Variants in CPNE9 observed in about 807,000 individuals in gnomAD.
CPNE9 encodes copine-9.
Under a neutral mutation model 83.0 loss-of-function variants are expected in CPNE9, and 59 were observed. The observed-to-expected ratio is 0.71, with a 90% confidence interval of 0.58 to 0.88. The LOEUF (loss-of-function observed/expected upper bound fraction) is 0.88, where lower values mean the gene tolerates loss of function less well. CPNE9 is among the 40% of genes least tolerant of loss of function. CPNE9 has a pLI of 0.00. For missense variants in CPNE9, 619 were observed against 720.8 expected (o/e 0.86, Z 1.62); for synonymous variants, 256 against 273.4 (o/e 0.94, Z 0.63).
At chr3:9,724,738 A>G (rs142316167) in intron 17 of CPNE9, among the ~76,000 whole-genome samples, 213 of 150,256 alleles carry the variant, frequency 1.4e-3, no homozygotes, top group Middle Eastern at 7.2e-3. Context: ...CTATCTATCT[A>G]TCTATCTATC....
Position 9,704,850 on chromosome 3 carries a change from C to G in CPNE9, c.157-41C>G. On this transcript the variant is annotated intron_variant, in intron 3 of 20. Transcript: ENST00000383832. This position sits in a 1 kb window ranked among gnomAD's most constrained non-coding sequence, Gnocchi z 7.1. ...GGCGTCGCCCGGGAATTCCCCTGCC[C>G]GTCTGCACGTCCCACGCTGACCCTC... The G allele has an allele frequency of 6.2e-7, 1 of 1,602,290 alleles. No homozygotes were observed. Among genetic ancestry groups the G allele is most frequent in the Non-Finnish European group, 8.5e-7 (1 of 1,172,270 alleles).
chr3:9,729,843 C>A lies in CPNE9; in HGVS notation c.*151C>A. The A allele has an allele frequency of 1.8e-6, 2 of 1,142,040 alleles. No homozygotes were observed. Among genetic ancestry groups the A allele is most frequent in the South Asian group, 1.8e-5 (1 of 56,814 alleles). 70.7% of individuals were successfully genotyped at this position (1,142,040 alleles called of 1,614,324 possible). A position where few individuals can be genotyped will look rare whatever the true frequency, so the allele number is the denominator to read the frequency against. ...GACAAGCCCTCCGCCTCCTTGCCTG[C>A]AGAGGGCCTGGCACTATCACCACCT... On this transcript the variant is annotated 3_prime_UTR_variant, in exon 21 of 21. Transcript: ENST00000383832.
chr3:9,726,264 C>A (rs1250107148), intron 18 of CPNE9, among the ~76,000 whole-genome samples: 1 of 152,132 alleles, frequency 6.6e-6, no homozygotes, highest in Non-Finnish European at 1.5e-5. Context: ...CTCTAAGTCC[C>A]AGTTCCCACT....
intron 17 of CPNE9, among the ~76,000 whole-genome samples, chr3:9,722,167 C>CA (rs1553691427): frequency 5.3e-5 from 8 of 151,566 alleles, no homozygotes; most frequent in African/African-American, 1.7e-4. Context: ...TCCACCCCCC[C>CA]CCGCCACCCG....
At position 9,720,010 on chromosome 3, in the gene CPNE9, C is replaced by CAT. The variant is rs1308919043; in HGVS notation, c.1241+1421_1241+1422dup. Among the ~76,000 whole-genome samples the CAT allele has an allele frequency of 5.8e-3, 850 of 147,520 alleles. 5 individuals are homozygous for CAT. The highest frequency in any genetic ancestry group is 0.013 in the African/African-American group (531 of 40,364). On this transcript the variant is annotated intron_variant, in intron 17 of 20. Coordinates refer to ENST00000383832, the MANE Select transcript of CPNE9 (RefSeq NM_153635.3). ...TGTCTCAAAAAAATATATATATATA[C>CAT]ATATATATATATATGCACACACACA...
chr3:9,729,089 G>C (rs753585909), intron 20 of CPNE9, among the ~76,000 whole-genome samples: 14 of 152,066 alleles, frequency 9.2e-5, no homozygotes, highest in Non-Finnish European at 1.8e-4. Flanking sequence ...GTGGTGGGAG[G>C]GGGGAGCTTC....
At position 9,717,567 on chromosome 3, in the gene CPNE9, A is replaced by G. The variant is rs550284558; in HGVS notation, c.932-462A>G. 3.3e-5 allele frequency among the ~76,000 whole-genome samples: 5 copies of G among 152,354 alleles called. No homozygotes were observed. In the South Asian group the frequency reaches 1.0e-3, roughly 32 times the overall value. ...TGGATAGATCCATATGAGAATAGAC[A>G]AGGGAATGAATGGAATGGAGAGGGC... On this transcript the variant is annotated intron_variant, in intron 15 of 20. Coordinates refer to ENST00000383832, the MANE Select transcript of CPNE9 (RefSeq NM_153635.3).
At chr3:9,727,366 G>C in intron 20 of CPNE9, 180 bp downstream of exon 20, 1 of 777,238 alleles carries the variant, frequency 1.3e-6, no homozygotes, top group Non-Finnish European at 2.3e-6. Context: ...TGCAGCCTTG[G>C]CACATCCGTG....
intron 14 of CPNE9, 68 bp downstream of exon 14, chr3:9,716,103 T>G (rs768026977): frequency 5.6e-5 from 79 of 1,418,368 alleles, no homozygotes; most frequent in Non-Finnish European, 7.6e-5. Flanking sequence ...GAGCCCCAGG[T>G]TTCTTATTTA....
At chr3:9,711,452 G>A (rs1212952958) in intron 7 of CPNE9, among the ~76,000 whole-genome samples, 1 of 152,038 alleles carries the variant, frequency 6.6e-6, no homozygotes, top group African/African-American at 2.4e-5. Context: ...CCCGACCTCA[G>A]GTGATCCGCC....
intron 7 of CPNE9, among the ~76,000 whole-genome samples, chr3:9,711,678 G>A (rs190196814): frequency 2.6e-5 from 4 of 152,152 alleles, no homozygotes; most frequent in Non-Finnish European, 4.4e-5. Context: ...TCCTGACCTA[G>A]TTTTCTCTCT....
chr3:9,729,763 C>T lies in CPNE9; in HGVS notation c.*71C>T, dbSNP rs1458273695. 6.6e-7 allele frequency: 1 copy of T among 1,509,692 alleles called. No homozygotes were observed. The highest frequency in any genetic ancestry group is 1.4e-5 in the African/African-American group (1 of 72,808). 93.5% of individuals were successfully genotyped at this position (1,509,692 alleles called of 1,614,324 possible). ...CACTGCTTCTGCTTTAAGCCAGAGG[C>T]ACCTGGAACCCTGGACTTCACTGGG... On this transcript the variant is annotated 3_prime_UTR_variant, in exon 21 of 21. Transcript: ENST00000383832.
intron 4 of CPNE9, among the ~76,000 whole-genome samples, 186 bp from the exon 5 acceptor site, chr3:9,705,278 G>A (rs2076550526): frequency 6.6e-6 from 1 of 151,702 alleles, no homozygotes; most frequent in African/African-American, 2.4e-5. Flanking sequence ...CTTGGCCTCG[G>A]CCCAGGCTTG....
chr3:9,728,449 C>G (rs971332986), intron 20 of CPNE9, among the ~76,000 whole-genome samples: 4 of 151,952 alleles, frequency 2.6e-5, no homozygotes, highest in African/African-American at 9.7e-5. Context: ...CATGGAGAAA[C>G]CCCGTCTCTA....
chr3:9,717,221 C>A, intron 15 of CPNE9, 117 bp downstream of exon 15: 1 of 1,081,088 alleles, frequency 9.2e-7, no homozygotes, highest in Non-Finnish European at 1.4e-6. Context: ...GAAGCCCAAA[C>A]TTAGGCAAAA....
In CPNE9 at chr3:9,720,137, CAAACATATGTCAATA is replaced by C. The variant is rs1354985944; in HGVS notation, c.1241+1538_1241+1552del. Among the ~76,000 whole-genome samples, 9 of 151,602 alleles carry C rather than the reference CAAACATATGTCAATA, an allele frequency of 5.9e-5. No homozygotes were observed. In the East Asian group the frequency reaches 1.7e-3, roughly 29 times the overall value. On this transcript the variant is annotated intron_variant, in intron 17 of 20. Coordinates refer to ENST00000383832, the MANE Select transcript of CPNE9 (RefSeq NM_153635.3). ...ATTTATGAAATGACAGAACTAAAATCAAACATATGTCAATAAACATAAATAAGCTCTGTTTGACCT... is the reference window on the plus strand; with the variant it reads ...ATTTATGAAATGACAGAACTAAAATCAACATAAATAAGCTCTGTTTGACCT...
At position 9,704,436 on chromosome 3, in the gene CPNE9, T is replaced by G; in HGVS notation, c.69-151T>G. Reference sequence around the variant, plus strand: ...CAGCGATTTCCGGTGCTGTCCAGAGTGCTGACAGAGCGGACCCCGGCTGGG... The same window carrying G: ...CAGCGATTTCCGGTGCTGTCCAGAGGGCTGACAGAGCGGACCCCGGCTGGG... On this transcript the variant is annotated intron_variant, in intron 1 of 20. Coordinates refer to ENST00000383832, the MANE Select transcript of CPNE9 (RefSeq NM_153635.3). This position sits in a 1 kb window ranked among gnomAD's most constrained non-coding sequence, Gnocchi z 7.1. The G allele has an allele frequency of 2.7e-6, 2 of 754,668 alleles. No homozygotes were observed. 46.7% of individuals were successfully genotyped at this position (754,668 alleles called of 1,614,324 possible).
chr3:9,728,944 T>C (rs2076806591), intron 20 of CPNE9, among the ~76,000 whole-genome samples: 1 of 151,938 alleles, frequency 6.6e-6, no homozygotes, highest in African/African-American at 2.4e-5. Flanking sequence ...CCAGTCTCCC[T>C]CCCCACCTCC....
intron 7 of CPNE9, among the ~76,000 whole-genome samples, chr3:9,706,355 GCCCCTCT>G (rs1486990206): frequency 6.7e-6 from 1 of 149,548 alleles, no homozygotes; most frequent in Non-Finnish European, 1.5e-5. Flanking sequence ...CCACTTCCAA[GCCCCTCT>G]CCACAGGGAA....
Sources: gnomAD v4.1 joint callset for allele counts (sites outside exome capture counted in the v4.1 genomes callset) on GRCh38, gnomAD v4.1.1 for gene constraint, Gnocchi (gnomAD v3.1) non-coding constraint, MANE v1.5 for transcripts, NCBI Gene and HGNC (gene_info 2026-07-23, HGNC 2026-07-21) for gene names.